The following HPR variants were observed in gnomAD, a reference collection of about 807,000 sequenced individuals.
The protein encoded by HPR is Haptoglobin-related locus.
HPR carries 17 observed loss-of-function variants against 18.5 expected under a neutral mutation model. The observed-to-expected ratio is 0.92, with a 90% CI of 0.63 to 1.38. The LOEUF (loss-of-function observed/expected upper bound fraction) is 1.38, where lower values mean the gene tolerates loss of function less well. Ranked by LOEUF, HPR falls within the 40% of genes most tolerant of loss-of-function variation. The pLI, the probability that HPR is intolerant of heterozygous loss-of-function variation, is 0.00. For missense variants in HPR, 457 were observed against 432.4 expected, an observed-to-expected ratio of 1.06 and a Z score of -0.51; for synonymous variants, 176 against 165.0, an observed-to-expected ratio of 1.07 and a Z score of -0.51.
rs774715955 is a variant in HPR, at chr16:72,075,148, T to C, written c.197T>C (p.Val66Ala). The C allele has an allele frequency of 4.1e-6, 5 of 1,221,204 alleles. No homozygotes were observed. In the South Asian group the frequency reaches 5.1e-5, roughly 13 times the overall value. The allele number at this position is 1,221,204 out of a possible 1,614,324, so 75.6% of individuals were successfully genotyped here. ...YYRLRTEGDG[V>A]YTLNDKKQWI... ...CATTTCTTGCCTTTTGTTTCAGGAG[T>C]ATACACCTTAAATGATAAGAAGCAG... The change falls in exon 4 of 5, where the codon GTA becomes GCA. Residue 66 changes from valine (V) to alanine (A), a missense_variant. Transcript: ENST00000540303.
At chr16:72,068,287 T>A (rs2041618749) in intron 1 of HPR, among the ~76,000 whole-genome samples, 1 of 152,232 alleles carries the variant, frequency 6.6e-6, no homozygotes, top group Non-Finnish European at 1.5e-5. Flanking sequence ...TTAGGCCGCT[T>A]AATAAGTGCG....
chr16:72,063,357 AG>A (rs2041562668), intron 1 of HPR, 97 bp downstream of exon 1: 2 of 1,052,906 alleles, frequency 1.9e-6, no homozygotes, highest in African/African-American at 2.4e-5. Context: ...ACAAAGAAAC[AG>A]GGCAAATGGG....
At position 72,076,421 on chromosome 16, in the gene HPR, A is replaced by T; in HGVS notation, c.387A>T (p.Thr129=). The change falls in exon 5 of 5, where the codon ACA becomes ACT. Residue 129 remains threonine (T), a synonymous_variant. Coordinates refer to ENST00000540303, the MANE Select transcript of HPR (RefSeq NM_020995.4). ...TGGTTTCCCACCATAATCTCACCAC[A>T]GGGGCCACGCTGATCAATGAACAAT... ...AKMVSHHNLT[T]GATLINEQWL... 6.2e-7 allele frequency: 1 copy of T among 1,614,194 alleles called. No individual in the cohort carries two copies. Among genetic ancestry groups the T allele is most frequent in the Non-Finnish European group, 8.5e-7 (1 of 1,180,048 alleles).
intron 1 of HPR, among the ~76,000 whole-genome samples, chr16:72,071,271 G>A (rs1172496980): frequency 3.9e-5 from 6 of 152,206 alleles, no homozygotes; most frequent in Non-Finnish European, 7.3e-5. Flanking sequence ...CCTAGAGACA[G>A]GATGTCAAGA....
At chr16:72,071,719 C>T (rs1435329582) in intron 1 of HPR, among the ~76,000 whole-genome samples, 1 of 152,184 alleles carries the variant, frequency 6.6e-6, no homozygotes, top group African/African-American at 2.4e-5. Context: ...CATTACTGGA[C>T]ACTGCCGAGT....
intron 1 of HPR, among the ~76,000 whole-genome samples, chr16:72,071,291 T>C (rs1433411469): frequency 6.6e-6 from 1 of 152,212 alleles, no homozygotes; most frequent in Non-Finnish European, 1.5e-5. Flanking sequence ...ATGCAAATGC[T>C]TGGCTAAAAT....
chr16:72,069,297 C>T (rs1411798195), intron 1 of HPR, among the ~76,000 whole-genome samples: 2 of 152,176 alleles, frequency 1.3e-5, no homozygotes, highest in African/African-American at 4.8e-5. Context: ...GGATAACCTT[C>T]AGTTGCCAGA....
chr16:72,066,806 T>C (rs1048887299), intron 1 of HPR, among the ~76,000 whole-genome samples: 2 of 152,034 alleles, frequency 1.3e-5, no homozygotes, highest in Non-Finnish European at 2.9e-5. Flanking sequence ...AAGGTGTATG[T>C]GAGGAGGGAC....
chr16:72,070,647 A>G (rs1295547627), intron 1 of HPR, among the ~76,000 whole-genome samples: 1 of 152,176 alleles, frequency 6.6e-6, no homozygotes, highest in Non-Finnish European at 1.5e-5. Context: ...TTTCCAACAG[A>G]AGGTCATCTT....
At chr16:72,074,176 G>A (rs2041690600) in intron 2 of HPR, 108 bp from the exon 3 acceptor site, 2 of 1,258,980 alleles carry the variant, frequency 1.6e-6, no homozygotes, top group African/African-American at 2.9e-5. Flanking sequence ...CTTCTATTTG[G>A]GGTAGAAGGA....
intron 1 of HPR, among the ~76,000 whole-genome samples, chr16:72,072,013 G>A (rs529093764): frequency 1.3e-5 from 2 of 150,516 alleles, no homozygotes; most frequent in East Asian, 3.9e-4. Flanking sequence ...AACCAATGAT[G>A]ATTTTTTTTT....
At chr16:72,075,833 CTTTT>C (rs34334289) in intron 4 of HPR, among the ~76,000 whole-genome samples, 1 of 142,616 alleles carries the variant, frequency 7.0e-6, no homozygotes, top group African/African-American at 2.5e-5. Flanking sequence ...TTCTTTCTTT[CTTTT>C]TTTTTTTTTT....
chr16:72,075,487 G>A (rs1319991058), intron 4 of HPR, among the ~76,000 whole-genome samples: 1 of 152,244 alleles, frequency 6.6e-6, no homozygotes, highest in Non-Finnish European at 1.5e-5. Flanking sequence ...TGTGCATACA[G>A]AGAGCCTGCT....
At chr16:72,073,682 T>C (rs2041680968) in intron 1 of HPR, 4 of 1,454,152 alleles carry the variant, frequency 2.8e-6, no homozygotes, top group Admixed American at 2.1e-5. Context: ...CTAAAGCGTG[T>C]ATGTGGGGCG....
intron 1 of HPR, among the ~76,000 whole-genome samples, chr16:72,072,672 T>C (rs978604376): frequency 3.3e-5 from 5 of 152,136 alleles, no homozygotes; most frequent in African/African-American, 1.2e-4. Flanking sequence ...TGTAGGATGC[T>C]GTGTCATACC....
intron 1 of HPR, 188 bp from the exon 2 acceptor site, chr16:72,073,704 C>A: frequency 6.7e-7 from 1 of 1,495,390 alleles, no homozygotes; most frequent in Non-Finnish European, 8.9e-7. Flanking sequence ...AGGGTGGGGG[C>A]AACTTCTTGG....
At chr16:72,065,186 A>C (rs1242813349) in intron 1 of HPR, among the ~76,000 whole-genome samples, 1 of 152,160 alleles carries the variant, frequency 6.6e-6, no homozygotes, top group Non-Finnish European at 1.5e-5. Context: ...TAGTCCTCCC[A>C]ATGCTAAGCG....
intron 3 of HPR, 39 bp downstream of exon 3, chr16:72,074,424 C>T (rs780587904): frequency 2.0e-6 from 3 of 1,499,116 alleles, no homozygotes; most frequent in Admixed American, 3.3e-5. Flanking sequence ...CTACCTACAA[C>T]CCCTGCTCTG....
intron 3 of HPR, chr16:72,074,648 C>T: frequency 1.4e-6 from 1 of 711,480 alleles, no homozygotes; most frequent in Non-Finnish European, 2.6e-6. Flanking sequence ...AGATTTACAT[C>T]TCCAGCAGAT....
Sources: allele counts gnomAD v4.1 joint callset (sites outside exome capture counted in the v4.1 genomes callset), GRCh38; gene constraint gnomAD v4.1.1; transcripts MANE v1.5; gene names NCBI Gene and HGNC (gene_info 2026-07-23, HGNC 2026-07-21).